The following CSMD3 variants were observed in gnomAD, a reference collection of about 807,000 sequenced individuals.
CSMD3 encodes the protein CUB and Sushi multiple domains 3.
Under a neutral mutation model 435.2 loss-of-function variants are expected in CSMD3, and 177 were observed. That is an observed-to-expected ratio of 0.41 (90% CI 0.36 to 0.46). CSMD3 has a LOEUF of 0.46. Ranked by LOEUF, CSMD3 falls within the 20% of genes least tolerant of loss-of-function variation. CSMD3 has a pLI of 0.34. For synonymous variants in CSMD3, 1,656 were observed against 1,520.5 expected, an observed-to-expected ratio of 1.09 and a Z score of -2.07; for missense variants, 4,265 against 4,504.6, an observed-to-expected ratio of 0.95 and a Z score of 1.52.
chr8:112,421,296 A>G (rs993434957), intron 32 of CSMD3, among the ~76,000 whole-genome samples: 6 of 151,930 alleles, frequency 3.9e-5, no homozygotes, highest in Admixed American at 3.3e-4. Flanking sequence ...TAATCCCAGC[A>G]TTTTGAGAGG....
At chr8:112,935,206 T>C (rs1191136968) in intron 9 of CSMD3, among the ~76,000 whole-genome samples, 1 of 152,136 alleles carries the variant, frequency 6.6e-6, no homozygotes, top group Admixed American at 6.6e-5. Flanking sequence ...TCAATCGGCT[T>C]TAAATGCATG....
intron 36 of CSMD3, among the ~76,000 whole-genome samples, chr8:112,385,897 T>C (rs1829900950): frequency 6.9e-6 from 1 of 145,588 alleles, no homozygotes; most frequent in South Asian, 2.1e-4. Flanking sequence ...AATAATGGCT[T>C]CTGGAGATAT....
At chr8:112,966,819 T>C (rs1016742759) in intron 7 of CSMD3, among the ~76,000 whole-genome samples, 4 of 151,892 alleles carry the variant, frequency 2.6e-5, no homozygotes, top group Admixed American at 2.0e-4. Flanking sequence ...CCTTAAAATA[T>C]CCCTTGCACT....
intron 10 of CSMD3, among the ~76,000 whole-genome samples, chr8:112,883,046 G>T (rs2081491198): frequency 6.6e-6 from 1 of 151,906 alleles, no homozygotes; most frequent in African/African-American, 2.4e-5. Flanking sequence ...AATGTGAAGG[G>T]AGTGGTGAAT....
Position 112,765,713 on chromosome 8 carries a change from A to G in CSMD3, c.1972+34449T>C, listed in dbSNP as rs116115846. 2.5e-3 allele frequency among the ~76,000 whole-genome samples: 384 copies of G among 151,538 alleles called. 2 individuals are homozygous for G. Among genetic ancestry groups the G allele is most frequent in the African/African-American group, 8.8e-3 (365 of 41,414 alleles). On this transcript the variant is annotated intron_variant, in intron 13 of 70. Transcript: ENST00000297405. ...TGTCCTCAGTCTCAATTGTTTTTCA[A>G]TTTTTCATTGGAAAACATTTGTTAG...
intron 11 of CSMD3, among the ~76,000 whole-genome samples, chr8:112,857,834 TG>T (rs968480872): frequency 1.8e-4 from 28 of 151,576 alleles, no homozygotes; most frequent in African/African-American, 6.8e-4. Context: ...AAGCACTTCA[TG>T]TTTTTTTTTT....
At chr8:112,254,428 A>T in intron 62 of CSMD3, 102 bp from the exon 63 acceptor site, 1 of 815,570 alleles carries the variant, frequency 1.2e-6, no homozygotes, top group South Asian at 1.4e-5. Context: ...GGTACAAAGG[A>T]TCTAGGAAAT....
intron 10 of CSMD3, among the ~76,000 whole-genome samples, chr8:112,859,885 C>G (rs2080775219): frequency 6.6e-6 from 1 of 151,744 alleles, no homozygotes; most frequent in African/African-American, 2.4e-5. Flanking sequence ...GTTTCTGTTT[C>G]TTGCTTCTTG....
At chr8:113,407,796 T>A (rs1405941127) in intron 1 of CSMD3, among the ~76,000 whole-genome samples, 1 of 152,110 alleles carries the variant, frequency 6.6e-6, no homozygotes, top group Non-Finnish European at 1.5e-5. Flanking sequence ...TTAATCAATC[T>A]GAGATTGTAA....
chr8:113,076,991 G>A (rs2089367675), intron 5 of CSMD3, among the ~76,000 whole-genome samples: 1 of 152,184 alleles, frequency 6.6e-6, no homozygotes, highest in South Asian at 2.1e-4. Flanking sequence ...AAAAGGAAGA[G>A]AAGTGGCTGT....
At chr8:113,376,591 TC>T in intron 1 of CSMD3, 2 of 774,502 alleles carry the variant, frequency 2.6e-6, no homozygotes, top group Non-Finnish European at 4.3e-6. Flanking sequence ...AAAATTGATA[TC>T]CAATTTTTTT....
chr8:112,645,607 G>T (rs2074959376), intron 19 of CSMD3, among the ~76,000 whole-genome samples: 1 of 152,072 alleles, frequency 6.6e-6, no homozygotes. Flanking sequence ...TTCCTAAAGG[G>T]ATATGTGTCA....
At chr8:112,964,435 T>C (rs1435158098) in intron 7 of CSMD3, among the ~76,000 whole-genome samples, 1 of 151,946 alleles carries the variant, frequency 6.6e-6, no homozygotes, top group Non-Finnish European at 1.5e-5. Flanking sequence ...GGATTTAATA[T>C]TGAATGAAGA....
intron 7 of CSMD3, among the ~76,000 whole-genome samples, chr8:112,975,239 A>G (rs1266204838): frequency 6.6e-6 from 1 of 152,108 alleles, no homozygotes; most frequent in Non-Finnish European, 1.5e-5. Context: ...TTGGAGGCAT[A>G]CTATCAATGA....
intron 4 of CSMD3, among the ~76,000 whole-genome samples, 162 bp from the exon 5 acceptor site, chr8:113,099,125 GA>G (rs200551850): frequency 6.6e-6 from 1 of 151,828 alleles, no homozygotes; most frequent in East Asian, 1.9e-4. Context: ...AGAATTTTAT[GA>G]AAAAATGTAT....
intron 32 of CSMD3, among the ~76,000 whole-genome samples, chr8:112,437,414 A>G (rs945401485): frequency 6.6e-5 from 10 of 152,158 alleles, no homozygotes; most frequent in Non-Finnish European, 1.5e-4. Context: ...GCTCTTTCAG[A>G]AGACGAAATT....
intron 32 of CSMD3, among the ~76,000 whole-genome samples, chr8:112,421,887 A>G (rs1812552433): frequency 6.6e-6 from 1 of 152,060 alleles, no homozygotes; most frequent in South Asian, 2.1e-4. Context: ...AAAGTTCTTT[A>G]TACATATCAG....
At position 112,933,728 on chromosome 8, in the gene CSMD3, T is replaced by C. The variant is rs550323465; in HGVS notation, c.1509-11977A>G. ...TTTTACATTAAAAATAATTCGACAT[T>C]TTTTTTATGGTCAAATTAGAACCCA... On this transcript the variant is annotated intron_variant, in intron 9 of 70. Transcript: ENST00000297405. Among the ~76,000 whole-genome samples, 340 of 152,144 alleles carry C rather than the reference T, an allele frequency of 2.2e-3. 1 individual carries two copies. The highest frequency in any genetic ancestry group is 3.9e-3 in the Non-Finnish European group (267 of 67,998).
intron 5 of CSMD3, among the ~76,000 whole-genome samples, chr8:113,092,088 C>T (rs938485347): frequency 6.6e-6 from 1 of 152,002 alleles, no homozygotes; most frequent in African/African-American, 2.4e-5. Context: ...CAGTCTTTGT[C>T]CTTTTATTCC....
Sources: allele counts gnomAD v4.1 joint callset (sites outside exome capture counted in the v4.1 genomes callset), GRCh38; gene constraint gnomAD v4.1.1; transcripts MANE v1.5; gene names NCBI Gene and HGNC (gene_info 2026-07-23, HGNC 2026-07-21).